JMJD1C: variants seen among roughly 807,000 people sequenced by gnomAD.
The protein encoded by JMJD1C is jumonji domain containing 1C.
JMJD1C carries 31 observed loss-of-function variants against 245.3 expected under a neutral mutation model. That is an observed-to-expected ratio of 0.13 (90% CI 0.09 to 0.17). The LOEUF (loss-of-function observed/expected upper bound fraction) is 0.17. JMJD1C is among the 10% of genes least tolerant of loss of function. The pLI, the probability that JMJD1C is intolerant of heterozygous loss-of-function variation, is 1.00. For missense variants in JMJD1C, 2,691 were observed against 3,000.2 expected (o/e 0.90, Z 2.41); for synonymous variants, 1,057 against 1,017.4 (o/e 1.04, Z -0.74).
intron 1 of JMJD1C, among the ~76,000 whole-genome samples, chr10:63,423,694 G>A (rs551747631): frequency 1.4e-4 from 21 of 152,272 alleles, no homozygotes; most frequent in African/African-American, 4.8e-4. Flanking sequence ...GTAATTCCAT[G>A]TTTAGCTTTT....
chr10:63,249,286 A>G (rs746578585), intron 3 of JMJD1C, among the ~76,000 whole-genome samples: 1 of 152,208 alleles, frequency 6.6e-6, no homozygotes, highest in Non-Finnish European at 1.5e-5. Flanking sequence ...ATTGCACTTC[A>G]GCCTGGGTGA....
At chr10:63,352,810 T>A (rs1295167489) in intron 2 of JMJD1C, among the ~76,000 whole-genome samples, 3 of 152,160 alleles carry the variant, frequency 2.0e-5, no homozygotes, top group Non-Finnish European at 4.4e-5. Flanking sequence ...AAATACAGTG[T>A]TCATGGGATG....
chr10:63,393,514 T>C (rs567326470), intron 1 of JMJD1C, among the ~76,000 whole-genome samples: 19 of 152,274 alleles, frequency 1.2e-4, no homozygotes, highest in African/African-American at 4.6e-4. Context: ...AACTACCATA[T>C]GGTTCATCAA....
chr10:63,431,690 C>T (rs1262184106), intron 1 of JMJD1C, among the ~76,000 whole-genome samples: 3 of 152,100 alleles, frequency 2.0e-5, no homozygotes, highest in Non-Finnish European at 2.9e-5. Context: ...ACTCAGGGTC[C>T]CCAGGTTTTG....
Position 63,200,516 on chromosome 10 carries a change from C to T in JMJD1C, c.5236G>A (p.Ala1746Thr). ...AATCTACAAAATACTGGTGAGTGAGCTGGTTCTTCTCCTTTTTTACTGCGA... is the reference window on the plus strand; with the variant it reads ...AATCTACAAAATACTGGTGAGTGAGTTGGTTCTTCTCCTTTTTTACTGCGA... ...LIRSKKGEEP[A>T]HSPVFCRFYY... Residue 1746 changes from alanine (A) to threonine (T), a missense_variant, in exon 11 of 26, where the codon GCT becomes ACT. By Grantham distance (58) the Ala-to-Thr change is moderately conservative. Coordinates refer to ENST00000399262, the MANE Select transcript of JMJD1C (RefSeq NM_032776.3). The T allele has an allele frequency of 6.2e-7, 1 of 1,613,880 alleles. No individual in the cohort carries two copies. Among genetic ancestry groups the T allele is most frequent in the Non-Finnish European group, 8.5e-7 (1 of 1,179,898 alleles).
intron 1 of JMJD1C, among the ~76,000 whole-genome samples, chr10:63,398,829 G>C (rs1352366012): frequency 6.6e-6 from 1 of 152,094 alleles, no homozygotes; most frequent in African/African-American, 2.4e-5. Context: ...ATTTTTAGTA[G>C]AGACAGGGTT....
At chr10:63,466,100 G>C (rs920364414), upstream of JMJD1C, 6 of 192,186 alleles carry the variant, frequency 3.1e-5, no homozygotes, top group Non-Finnish European at 1.1e-5. Flanking sequence ...GCCCGGCCCT[G>C]CGGAGGCGGC....
At chr10:63,347,225 T>C (rs960459030) in intron 2 of JMJD1C, among the ~76,000 whole-genome samples, 2 of 151,928 alleles carry the variant, frequency 1.3e-5, no homozygotes, top group Non-Finnish European at 2.9e-5. Flanking sequence ...CCTGCCACCA[T>C]GCTTGGCTAA....
chr10:63,271,592 C>T (rs1856305049), intron 2 of JMJD1C, among the ~76,000 whole-genome samples: 1 of 151,864 alleles, frequency 6.6e-6, no homozygotes, highest in South Asian at 2.1e-4. Context: ...GCTCATGTTG[C>T]TCAGGCTGGA....
chr10:63,421,898 G>C (rs1045803515), intron 1 of JMJD1C, among the ~76,000 whole-genome samples: 2 of 152,148 alleles, frequency 1.3e-5, no homozygotes, highest in African/African-American at 4.8e-5. Flanking sequence ...CTGTGATCTT[G>C]AATTTGTGGC....
chr10:63,328,709 T>G (rs1941806195), intron 2 of JMJD1C, among the ~76,000 whole-genome samples: 1 of 152,240 alleles, frequency 6.6e-6, no homozygotes, highest in Non-Finnish European at 1.5e-5. Context: ...CATCTTTGTA[T>G]TCCAACTTAA....
chr10:63,195,806 G>C (rs560166685), intron 13 of JMJD1C, among the ~76,000 whole-genome samples: 2 of 152,228 alleles, frequency 1.3e-5, no homozygotes, highest in East Asian at 3.9e-4. Flanking sequence ...GCAGGCGCCT[G>C]TAGTCCCAGC....
intron 1 of JMJD1C, among the ~76,000 whole-genome samples, chr10:63,387,997 T>A (rs1283156333): frequency 1.3e-5 from 2 of 152,090 alleles, no homozygotes; most frequent in Admixed American, 6.6e-5. Flanking sequence ...TAGGACATCA[T>A]AAAGCTACCA....
chr10:63,412,837 T>C (rs1247720196), intron 1 of JMJD1C, among the ~76,000 whole-genome samples: 3 of 152,216 alleles, frequency 2.0e-5, no homozygotes, highest in Admixed American at 6.5e-5. Context: ...GGTTCATCTA[T>C]GAGTTTTTTC....
At chr10:63,426,824 T>C (rs910107228) in intron 1 of JMJD1C, among the ~76,000 whole-genome samples, 13 of 152,350 alleles carry the variant, frequency 8.5e-5, no homozygotes, top group African/African-American at 2.6e-4. Flanking sequence ...TAGTGTAAGA[T>C]AATATTTTCT....
chr10:63,414,001 T>TA (rs2132683943), intron 1 of JMJD1C, among the ~76,000 whole-genome samples: 1 of 151,504 alleles, frequency 6.6e-6, no homozygotes, highest in Non-Finnish European at 1.5e-5. Context: ...TTTTTTTTTT[T>TA]TTTGACACGG....
intron 3 of JMJD1C, among the ~76,000 whole-genome samples, chr10:63,240,075 T>C (rs1378975209): frequency 1.3e-5 from 2 of 152,134 alleles, no homozygotes; most frequent in African/African-American, 2.4e-5. Flanking sequence ...TTTAACTCCA[T>C]GGGGGCAGGA....
intron 1 of JMJD1C, among the ~76,000 whole-genome samples, chr10:63,495,602 G>A (rs981420090): frequency 9.2e-5 from 14 of 151,824 alleles, no homozygotes; most frequent in African/African-American, 2.4e-4. Flanking sequence ...TGAAACCCCC[G>A]TCTCTACTAA....
chr10:63,461,203 T>C (rs1205716630), intron 1 of JMJD1C, among the ~76,000 whole-genome samples: 2 of 152,162 alleles, frequency 1.3e-5, no homozygotes, highest in Admixed American at 6.5e-5. Context: ...GTGTGAAAAA[T>C]AGTTGGCATA....
Sources: allele counts gnomAD v4.1 joint callset (sites outside exome capture counted in the v4.1 genomes callset), GRCh38; gene constraint gnomAD v4.1.1; transcripts MANE v1.5; gene names NCBI Gene and HGNC (gene_info 2026-07-23, HGNC 2026-07-21).